NXNL2: variants seen among roughly 807,000 people sequenced by gnomAD.
The protein encoded by NXNL2 is nucleoredoxin like 2, also known as nucleoredoxin-like protein 2.
NXNL2 carries 7 observed loss-of-function variants against 11.1 expected under a neutral mutation model. That is an observed-to-expected ratio of 0.63 (90% CI 0.36 to 1.18). The LOEUF is 1.18. Among genes scored for constraint, NXNL2 ranks in the 50% most tolerant of loss-of-function variants. NXNL2 has a pLI of 0.02. For missense variants in NXNL2, 233 were observed against 217.7 expected (o/e 1.07, Z -0.44); for synonymous variants, 109 against 101.8 (o/e 1.07, Z -0.42).
chr9:88,570,320 G>A (rs1471338998), intron 1 of NXNL2, among the ~76,000 whole-genome samples: 1 of 151,994 alleles, frequency 6.6e-6, no homozygotes, highest in African/African-American at 2.4e-5. Context: ...GTTTCACCAT[G>A]TTGGCCAGGC....
At chr9:88,536,118 C>A (rs1007808230) in intron 1 of NXNL2, among the ~76,000 whole-genome samples, 6 of 152,268 alleles carry the variant, frequency 3.9e-5, no homozygotes, top group African/African-American at 1.4e-4. Flanking sequence ...CCTGGACTCC[C>A]GGCGCCGCTG....
chr9:88,561,268 C>T (rs1354825944), intron 1 of NXNL2, among the ~76,000 whole-genome samples: 2 of 152,144 alleles, frequency 1.3e-5, no homozygotes, highest in African/African-American at 2.4e-5. Flanking sequence ...TTCTTCCTGC[C>T]CTCAAACATC....
At chr9:88,537,282 C>T (rs1306662146) in intron 1 of NXNL2, among the ~76,000 whole-genome samples, 1 of 152,162 alleles carries the variant, frequency 6.6e-6, no homozygotes, top group African/African-American at 2.4e-5. Flanking sequence ...TTCTGCCGTG[C>T]CCTACTTCCT....
intron 1 of NXNL2, among the ~76,000 whole-genome samples, chr9:88,561,846 T>G (rs1830089420): frequency 6.6e-6 from 1 of 152,176 alleles, no homozygotes; most frequent in Non-Finnish European, 1.5e-5. Context: ...TAACTGGAAG[T>G]CTCTGTGCTG....
chr9:88,564,285 T>TCTATCATCTATCTATC (rs1554706562), intron 1 of NXNL2, among the ~76,000 whole-genome samples: 1 of 140,160 alleles, frequency 7.1e-6, no homozygotes, highest in African/African-American at 2.7e-5. Context: ...TATCTATCTA[T>TCTATCATCTATCTATC]TATCTATCTA....
chr9:88,568,095 G>T (rs940675254), intron 1 of NXNL2, among the ~76,000 whole-genome samples: 17 of 152,274 alleles, frequency 1.1e-4, no homozygotes, highest in Middle Eastern at 3.4e-3. Flanking sequence ...GGATACCCAG[G>T]GGAAGTTACT....
intron 1 of NXNL2, among the ~76,000 whole-genome samples, chr9:88,552,591 C>T (rs1217154786): frequency 6.6e-6 from 1 of 151,828 alleles, no homozygotes; most frequent in African/African-American, 2.4e-5. Flanking sequence ...CTGCCTCAGC[C>T]TCCCGAGTAG....
chr9:88,535,328 G>A lies in NXNL2; in HGVS notation c.-107G>A, dbSNP rs551503858. 23 of 1,171,404 alleles carry A rather than the reference G, an allele frequency of 2.0e-5. No individual in the cohort carries two copies. In the South Asian group the frequency reaches 3.5e-4, roughly 18 times the overall value. 72.6% of individuals were successfully genotyped at this position (1,171,404 alleles called of 1,614,324 possible). A position where few individuals can be genotyped will look rare whatever the true frequency, so the allele number is the denominator to read the frequency against. The stretch of plus-strand genomic sequence containing the variant: ...GCAGGTCTTGAGAGGTCCAGCGCCC[G>A]GTGGTGCGGACAGAGGCGGGGCACC... On this transcript the variant is annotated 5_prime_UTR_variant, in exon 1 of 2. Transcript: ENST00000375854.
chr9:88,574,101 C>A (rs901295238), intron 2 of NXNL2, among the ~76,000 whole-genome samples: 1 of 152,156 alleles, frequency 6.6e-6, no homozygotes, highest in Non-Finnish European at 1.5e-5. Context: ...TATGGTCTAG[C>A]AATTCCACTC....
intron 1 of NXNL2, among the ~76,000 whole-genome samples, chr9:88,582,394 G>A (rs1024281963): frequency 1.3e-5 from 2 of 152,050 alleles, no homozygotes; most frequent in Non-Finnish European, 2.9e-5. Flanking sequence ...GTGTGAACCC[G>A]GGAGGCGGAG....
chr9:88,547,913 A>AGGCT (rs1296037566), downstream of NXNL2, among the ~76,000 whole-genome samples: 4 of 151,956 alleles, frequency 2.6e-5, no homozygotes, highest in Non-Finnish European at 5.9e-5. Context: ...GCTACCCGGG[A>AGGCT]GGCTGAGGCA....
At position 88,535,264 on chromosome 9, in the gene NXNL2, C is replaced by T. The variant is rs1829577041; in HGVS notation, c.-171C>T. On this transcript the variant is annotated 5_prime_UTR_variant, in exon 1 of 2. Transcript: ENST00000375854. ...GTCGGCGCGAACACAATTGCTCCAGCCACAGGCGAGGCCTGGCCAAGGTGT... is the reference window on the plus strand; with the variant it reads ...GTCGGCGCGAACACAATTGCTCCAGTCACAGGCGAGGCCTGGCCAAGGTGT... 1 of 611,616 alleles carries T rather than the reference C, an allele frequency of 1.6e-6. No individual in the cohort carries two copies. The highest frequency in any genetic ancestry group is 2.8e-6 in the Non-Finnish European group (1 of 358,898). 37.9% of individuals were successfully genotyped at this position (611,616 alleles called of 1,614,324 possible).
intron 2 of NXNL2, among the ~76,000 whole-genome samples, chr9:88,573,447 C>G (rs1830304350): frequency 6.6e-6 from 1 of 152,154 alleles, no homozygotes; most frequent in Non-Finnish European, 1.5e-5. Context: ...CCTGGCCATA[C>G]AGTAGTCTTG....
At chr9:88,551,211 G>A (rs912238473) in intron 1 of NXNL2, among the ~76,000 whole-genome samples, 1 of 151,972 alleles carries the variant, frequency 6.6e-6, no homozygotes, top group Non-Finnish European at 1.5e-5. Context: ...AAACACACTC[G>A]TTTTCTTCTG....
downstream of NXNL2, among the ~76,000 whole-genome samples, chr9:88,578,399 A>G (rs1830371077): frequency 6.6e-6 from 1 of 152,238 alleles, no homozygotes; most frequent in Non-Finnish European, 1.5e-5. Flanking sequence ...GTGAATTTGG[A>G]TACAAGCAAT....
chr9:88,542,281 T>A (rs1587842050), intron 1 of NXNL2, among the ~76,000 whole-genome samples: 3 of 151,122 alleles, frequency 2.0e-5, no homozygotes, highest in East Asian at 3.9e-4. Context: ...AACAAAAAAA[T>A]ATATATTTTT....
chr9:88,562,688 G>A (rs1331727787), intron 1 of NXNL2, among the ~76,000 whole-genome samples: 1 of 151,832 alleles, frequency 6.6e-6, no homozygotes, highest in Non-Finnish European at 1.5e-5. Flanking sequence ...GGGGGTGGAG[G>A]TTGCAGTGAG....
chr9:88,548,517 C>T (rs545855462), downstream of NXNL2, among the ~76,000 whole-genome samples: 313 of 148,162 alleles, frequency 2.1e-3, 1 homozygote, highest in Non-Finnish European at 3.7e-3. Flanking sequence ...AACCCTGTCT[C>T]TACTAAAAAT....
At chr9:88,578,755 G>T (rs940337227), downstream of NXNL2, among the ~76,000 whole-genome samples, 2 of 152,262 alleles carry the variant, frequency 1.3e-5, no homozygotes, top group African/African-American at 4.8e-5. Flanking sequence ...ACAGGAACTG[G>T]TGGAGCTCAG....
Sources: allele counts gnomAD v4.1 joint callset (sites outside exome capture counted in the v4.1 genomes callset), GRCh38; gene constraint gnomAD v4.1.1; transcripts MANE v1.5; gene names NCBI Gene and HGNC (gene_info 2026-07-23, HGNC 2026-07-21).